LAMA3: variants seen among roughly 807,000 people sequenced by gnomAD.
The protein encoded by LAMA3 is laminin subunit alpha 3, also known as laminin subunit alpha-3.
Under a neutral mutation model 402.0 loss-of-function variants are expected in LAMA3, and 281 were observed. The ratio of observed to expected loss-of-function variants is 0.70; its 90% CI spans 0.63 to 0.77. The LOEUF (loss-of-function observed/expected upper bound fraction) is 0.77. Among genes scored for constraint, LAMA3 ranks in the 30% least tolerant of loss-of-function variants. The probability of loss-of-function intolerance (pLI) is 0.00; values close to 1 mark genes in which losing one functional copy is unlikely to be tolerated. For missense variants in LAMA3, 3,840 were observed against 4,215.5 expected, an observed-to-expected ratio of 0.91 and a Z score of 2.47; for synonymous variants, 1,431 against 1,558.4, an observed-to-expected ratio of 0.92 and a Z score of 1.93.
intron 7 of LAMA3, among the ~76,000 whole-genome samples, chr18:23,762,124 G>C (rs950485284): frequency 5.3e-5 from 8 of 152,228 alleles, no homozygotes; most frequent in African/African-American, 1.9e-4. Flanking sequence ...GCTGAGGTGG[G>C]AGGATTACTT....
intron 3 of LAMA3, among the ~76,000 whole-genome samples, chr18:23,748,702 G>T (rs2061694595): frequency 6.6e-6 from 1 of 151,426 alleles, no homozygotes; most frequent in African/African-American, 2.4e-5. Context: ...GGCTGAGGTG[G>T]GAGAATCACT....
chr18:23,795,578 G>C (rs910784246), intron 12 of LAMA3, among the ~76,000 whole-genome samples: 3 of 152,206 alleles, frequency 2.0e-5, no homozygotes, highest in African/African-American at 7.2e-5. Context: ...TTGGTGGTTA[G>C]AGAGTCAGTT....
At chr18:23,908,399 G>A (rs1348535806) in intron 54 of LAMA3, among the ~76,000 whole-genome samples, 1 of 151,666 alleles carries the variant, frequency 6.6e-6, no homozygotes, top group Non-Finnish European at 1.5e-5. Flanking sequence ...GCGTGGTGAT[G>A]GGCGCCTGTA....
chr18:23,903,150 A>G (rs758120406), intron 49 of LAMA3, 25 bp downstream of exon 49: 3 of 1,340,864 alleles, frequency 2.2e-6, no homozygotes, highest in Middle Eastern at 1.8e-4. Context: ...TGTTCTCTAG[A>G]AAAATCTAAA....
chr18:23,791,992 G>A (rs1285091206), intron 12 of LAMA3, among the ~76,000 whole-genome samples: 1 of 152,112 alleles, frequency 6.6e-6, no homozygotes, highest in East Asian at 1.9e-4. Flanking sequence ...CCAAGGCCAA[G>A]TCACCATGTG....
chr18:23,823,488 A>G (rs1468001919), intron 20 of LAMA3, among the ~76,000 whole-genome samples: 1 of 152,156 alleles, frequency 6.6e-6, no homozygotes, highest in East Asian at 1.9e-4. Flanking sequence ...AGCCCTAGTT[A>G]TGTTATGTCC....
At chr18:23,837,384 C>T in intron 25 of LAMA3, 1 of 329,256 alleles carries the variant, frequency 3.0e-6, no homozygotes, top group Non-Finnish European at 5.7e-6. Flanking sequence ...TATTATATTT[C>T]CTAGTTTACC....
chr18:23,813,258 T>C (rs1219748389), intron 14 of LAMA3, among the ~76,000 whole-genome samples, 155 bp downstream of exon 14: 1 of 94,258 alleles, frequency 1.1e-5, no homozygotes, highest in African/African-American at 3.5e-5. Context: ...GCATATGTGA[T>C]TTTGTGATTT....
intron 59 of LAMA3, 71 bp from the exon 60 acceptor site, chr18:23,916,480 G>C (rs1378698332): frequency 1.3e-6 from 2 of 1,537,870 alleles, no homozygotes; most frequent in Non-Finnish European, 1.8e-6. Flanking sequence ...GCAACATCTT[G>C]TATTAATAAG....
intron 41 of LAMA3, among the ~76,000 whole-genome samples, chr18:23,885,771 CA>C (rs1438437709): frequency 1.1e-4 from 17 of 152,118 alleles, no homozygotes; most frequent in African/African-American, 3.6e-4. Flanking sequence ...TGATGAAAAA[CA>C]AACGAGCAGA....
Position 23,946,236 on chromosome 18 carries a change from C to G in LAMA3, c.9303C>G (p.Ser3101Arg), listed in dbSNP as rs1330482245. Residue 3101 changes from serine to arginine, a missense_variant, in exon 70 of 75, where the codon AGC becomes AGG. By Grantham distance (110) the Ser-to-Arg change is moderately radical (BLOSUM62 -1). Transcript: ENST00000313654. ...GTTTGCCTGGAAACTCCACCATCAG[C>G]ATCAGAGCGCCAGTTTACCTGGGAT... is the stretch of plus-strand genomic sequence containing the variant. ...EGSLPGNSTI[S>R]IRAPVYLGSP... 1 of 1,614,074 alleles carries G rather than the reference C, an allele frequency of 6.2e-7. No individual in the cohort carries two copies. The highest frequency in any genetic ancestry group is 1.7e-5 in the Admixed American group (1 of 60,014).
chr18:23,817,637 C>T (rs2063202102), intron 18 of LAMA3, among the ~76,000 whole-genome samples: 6 of 152,112 alleles, frequency 3.9e-5, no homozygotes. Context: ...ATAGCTTGAG[C>T]CCAGGAGTTT....
At chr18:23,926,753 G>T (rs2082013787) in intron 62 of LAMA3, among the ~76,000 whole-genome samples, 1 of 152,224 alleles carries the variant, frequency 6.6e-6, no homozygotes, top group African/African-American at 2.4e-5. Context: ...TGTGCATTCA[G>T]CTCCAGACAG....
At chr18:23,712,240 C>T (rs571276255) in intron 1 of LAMA3, among the ~76,000 whole-genome samples, 5 of 151,824 alleles carry the variant, frequency 3.3e-5, no homozygotes, top group African/African-American at 1.2e-4. Context: ...ATTAGCCGGG[C>T]GTGGTGGTGC....
At chr18:23,779,629 G>T (rs1234488380) in intron 11 of LAMA3, among the ~76,000 whole-genome samples, 1 of 152,130 alleles carries the variant, frequency 6.6e-6, no homozygotes, top group Non-Finnish European at 1.5e-5. Flanking sequence ...GGAGCTCGTG[G>T]ATGTTCTCTT....
Position 23,876,408 on chromosome 18 carries a change from G to A in LAMA3, c.5112+1G>A, listed in dbSNP as rs1057517023. On this transcript the variant is annotated splice_donor_variant, in intron 39 of 74. Coordinates refer to ENST00000313654, the MANE Select transcript of LAMA3 (RefSeq NM_198129.4). LOFTEE classifies it high-confidence loss of function. ...CCAGGATGGCTCAGGCATATGTGTT[G>A]TGAGTAAATTGACACTTTAATGCTA... 6 of 1,590,074 alleles carry A rather than the reference G, an allele frequency of 3.8e-6. No homozygotes were observed. Among genetic ancestry groups the A allele is most frequent in the South Asian group, 1.1e-5 (1 of 90,576 alleles).
intron 23 of LAMA3, among the ~76,000 whole-genome samples, chr18:23,830,645 C>A (rs1420589112): frequency 6.6e-6 from 1 of 152,120 alleles, no homozygotes; most frequent in African/African-American, 2.4e-5. Flanking sequence ...TAACGACAAC[C>A]TGATTCTCTT....
Position 23,826,814 on chromosome 18 carries a change from G to A in LAMA3, c.2669+15G>A, listed in dbSNP as rs774140111. On this transcript the variant is annotated intron_variant, in intron 22 of 74. Transcript: ENST00000313654. ...CCCCAAGAAAAGTCAGTGTGGGGCA[G>A]AAGGTGCAGCCGCATCATTGGGGTC... 3 of 1,512,550 alleles carry A rather than the reference G, an allele frequency of 2.0e-6. No individual in the cohort carries two copies. Among genetic ancestry groups the A allele is most frequent in the African/African-American group, 2.8e-5 (2 of 72,664 alleles). The allele number at this position is 1,512,550 out of a possible 1,614,324, so 93.7% of individuals were successfully genotyped here. A position where few individuals can be genotyped will look rare whatever the true frequency, so the allele number is the denominator to read the frequency against.
At chr18:23,692,092 C>T (rs2060599558) in intron 1 of LAMA3, among the ~76,000 whole-genome samples, 1 of 152,086 alleles carries the variant, frequency 6.6e-6, no homozygotes, top group Non-Finnish European at 1.5e-5. Flanking sequence ...AGTGAGAGGC[C>T]CCAAGTGACT....
Sources: gnomAD v4.1 joint callset for allele counts (sites outside exome capture counted in the v4.1 genomes callset) on GRCh38, gnomAD v4.1.1 for gene constraint, MANE v1.5 for transcripts, NCBI Gene and HGNC (gene_info 2026-07-23, HGNC 2026-07-21) for gene names.